The following ERC1 variants were observed in gnomAD, a reference collection of about 807,000 sequenced individuals.
ERC1 encodes the protein ELKS/RAB6-interacting/CAST family member 1, also known as RAB6 interacting protein 2.
ERC1 carries 56 observed loss-of-function variants against 132.0 expected under a neutral mutation model. That is an observed-to-expected ratio of 0.42 (90% CI 0.34 to 0.53). The LOEUF is 0.53. ERC1 is among the 20% of genes least tolerant of loss of function. The probability of loss-of-function intolerance (pLI) is 0.03; values close to 1 mark genes in which losing one functional copy is unlikely to be tolerated. For missense variants in ERC1, 1,202 were observed against 1,349.9 expected (o/e 0.89, Z 1.72); for synonymous variants, 478 against 476.1 (o/e 1.00, Z -0.05).
rs527487633 is a variant in ERC1 at position 1,049,856 on chromosome 12, G to A, written c.669+21284G>A. The stretch of plus-strand genomic sequence containing the variant: ...CAACCTCCACCTCCCGGGTTCAAGC[G>A]ATTCTCCTGTCTCAGCCTCCTGATT... On this transcript the variant is annotated intron_variant, in intron 2 of 18. Transcript: ENST00000360905. Among the ~76,000 whole-genome samples, 8 of 150,346 alleles carry A rather than the reference G, an allele frequency of 5.3e-5. 1 individual carries two copies. In the South Asian group the frequency reaches 1.5e-3, roughly 28 times the overall value.
chr12:1,463,697 CTG>C (rs57210462), intron 18 of ERC1, among the ~76,000 whole-genome samples: 1,459 of 135,582 alleles, frequency 0.011, 10 homozygotes, highest in Middle Eastern at 0.018. Flanking sequence ...GGTGCTAAGA[CTG>C]TGTGTGTGTG....
chr12:1,346,031 T>C (rs911954833), intron 15 of ERC1, among the ~76,000 whole-genome samples: 1 of 152,182 alleles, frequency 6.6e-6, no homozygotes, highest in African/African-American at 2.4e-5. Flanking sequence ...GTTGCCCCTC[T>C]GAGTTAGAAC....
chr12:1,362,448 GTCTC>G (rs750785449), intron 15 of ERC1, among the ~76,000 whole-genome samples: 8 of 144,784 alleles, frequency 5.5e-5, no homozygotes, highest in Non-Finnish European at 9.0e-5. Context: ...CTCTCTCTCT[GTCTC>G]TCTCTCTCTC....
intron 18 of ERC1, among the ~76,000 whole-genome samples, chr12:1,485,087 C>G (rs1309695688): frequency 6.6e-6 from 1 of 151,722 alleles, no homozygotes; most frequent in Non-Finnish European, 1.5e-5. Flanking sequence ...TGGGGTCTCG[C>G]TGTGTTGCGC....
chr12:1,001,580 T>G (rs924568018), intron 1 of ERC1, among the ~76,000 whole-genome samples: 1 of 152,182 alleles, frequency 6.6e-6, no homozygotes, highest in Non-Finnish European at 1.5e-5. Flanking sequence ...CCTTCTTTTT[T>G]TGTGTGTGTA....
intron 14 of ERC1, among the ~76,000 whole-genome samples, chr12:1,289,090 C>CACACACGT (rs2079239340): frequency 9.8e-6 from 1 of 101,994 alleles, no homozygotes; most frequent in Non-Finnish European, 2.0e-5. Context: ...TATGTACACA[C>CACACACGT]ACACACACAC....
At chr12:1,160,851 C>T (rs1315116571) in intron 8 of ERC1, among the ~76,000 whole-genome samples, 1 of 152,168 alleles carries the variant, frequency 6.6e-6, no homozygotes, top group African/African-American at 2.4e-5. Flanking sequence ...CTGCCTTGGC[C>T]TCCCAAAGTG....
chr12:1,297,769 A>AT (rs1455878756), intron 15 of ERC1, among the ~76,000 whole-genome samples: 2 of 151,768 alleles, frequency 1.3e-5, no homozygotes, highest in Non-Finnish European at 1.5e-5. Context: ...TAGAAAATGT[A>AT]TTTTTTCTTC....
At chr12:1,183,233 CTA>C (rs111929784) in intron 10 of ERC1, 46 bp from the exon 11 acceptor site, 329,795 of 1,334,454 alleles carry the variant, frequency 0.25, 43,612 homozygotes, top group Non-Finnish European at 0.28. Context: ...ATTTAAACCT[CTA>C]TTTTTTTTAA....
chr12:1,300,287 C>G (rs1229094777), intron 15 of ERC1, among the ~76,000 whole-genome samples: 2 of 152,156 alleles, frequency 1.3e-5, no homozygotes, highest in African/African-American at 4.8e-5. Flanking sequence ...AAACTGGACT[C>G]TTTCCTTACA....
chr12:1,299,240 A>G (rs1030759837), intron 15 of ERC1, among the ~76,000 whole-genome samples: 1 of 152,228 alleles, frequency 6.6e-6, no homozygotes, highest in African/African-American at 2.4e-5. Flanking sequence ...TTAAGTGCAT[A>G]TGGAAGTTTC....
In ERC1 at chr12:1,418,666, TTTTCTTTCTTTCTTTCTTTCTTTCTTTC is replaced by T. The variant is rs202159587; in HGVS notation, c.3024+10451_3024+10478del. 6.2e-3 allele frequency among the ~76,000 whole-genome samples: 538 copies of T among 86,802 alleles called. 2 individuals carry two copies. Among genetic ancestry groups the T allele is most frequent in the Non-Finnish European group, 9.2e-3 (406 of 44,206 alleles). The allele number at this position is 86,802 out of a possible 152,430, so 56.9% of individuals were successfully genotyped here. A position where few individuals can be genotyped will look rare whatever the true frequency, so the allele number is the denominator to read the frequency against. On this transcript the variant is annotated intron_variant, in intron 17 of 18. Transcript: ENST00000360905. The stretch of plus-strand genomic sequence containing the variant: ...TTCTCTCTCTCTCTCTCTCTCTTTC[TTTTCTTTCTTTCTTTCTTTCTTTCTTTC>T]TTTCTTTCTTTCTTTCTTTCTTTCT...
intron 17 of ERC1, among the ~76,000 whole-genome samples, chr12:1,424,856 A>G (rs78495647): frequency 1.8e-5 from 2 of 113,042 alleles, no homozygotes; most frequent in African/African-American, 7.8e-5. Flanking sequence ...ATAGATAGAT[A>G]GATAGATCGA....
intron 17 of ERC1, among the ~76,000 whole-genome samples, chr12:1,411,815 C>T (rs577916181): frequency 6.6e-6 from 1 of 152,088 alleles, no homozygotes; most frequent in Non-Finnish European, 1.5e-5. Flanking sequence ...ATATTTTTGT[C>T]GCAAATCCTT....
intron 15 of ERC1, among the ~76,000 whole-genome samples, chr12:1,371,066 C>A (rs1370719344): frequency 6.6e-6 from 1 of 152,190 alleles, no homozygotes; most frequent in East Asian, 1.9e-4. Flanking sequence ...ACGGGATCTA[C>A]CCTCTTAATC....
At chr12:1,165,188 C>T (rs1298203733) in intron 8 of ERC1, among the ~76,000 whole-genome samples, 1 of 152,172 alleles carries the variant, frequency 6.6e-6, no homozygotes, top group Non-Finnish European at 1.5e-5. Context: ...GGGTGAGAAG[C>T]ACGACTGTCT....
chr12:1,458,025 A>T (rs1480132156), intron 18 of ERC1, among the ~76,000 whole-genome samples: 2 of 152,262 alleles, frequency 1.3e-5, no homozygotes, highest in Non-Finnish European at 2.9e-5. Flanking sequence ...AATGACTGGC[A>T]GGACAAAGGC....
At chr12:1,095,648 C>T (rs1943927211) in intron 3 of ERC1, among the ~76,000 whole-genome samples, 1 of 152,086 alleles carries the variant, frequency 6.6e-6, no homozygotes, top group South Asian at 2.1e-4. Context: ...ATAAAGTGAC[C>T]AAATAGCATA....
At chr12:1,160,690 G>A (rs576017254) in intron 8 of ERC1, among the ~76,000 whole-genome samples, 14 of 152,082 alleles carry the variant, frequency 9.2e-5, no homozygotes, top group African/African-American at 2.4e-4. Flanking sequence ...CAGCCTGGGC[G>A]AAAGAACAAG....
Sources: allele counts gnomAD v4.1 joint callset (sites outside exome capture counted in the v4.1 genomes callset), GRCh38; gene constraint gnomAD v4.1.1; transcripts MANE v1.5; gene names NCBI Gene and HGNC (gene_info 2026-07-23, HGNC 2026-07-21).